The following SLC38A6 variants were observed in gnomAD, a reference collection of about 807,000 sequenced individuals.
SLC38A6 encodes N system amino acid transporter NAT-1.
SLC38A6 carries 73 observed loss-of-function variants against 65.0 expected under a neutral mutation model. That is an observed-to-expected ratio of 1.12 (90% CI 0.93 to 1.37). SLC38A6 has a LOEUF of 1.37. SLC38A6 is among the 40% of genes most tolerant of loss of function. The pLI is 0.00. For synonymous variants in SLC38A6, 183 were observed against 178.8 expected, an observed-to-expected ratio of 1.02 and a Z score of -0.19; for missense variants, 561 against 531.1, an observed-to-expected ratio of 1.06 and a Z score of -0.55.
chr14:61,002,506 C>T (rs2038780950), intron 3 of SLC38A6, among the ~76,000 whole-genome samples: 1 of 152,160 alleles, frequency 6.6e-6, no homozygotes, highest in Non-Finnish European at 1.5e-5. Context: ...GAAACCTGGG[C>T]TCTTTACTAT....
chr14:61,004,659 G>A (rs1347958328), intron 3 of SLC38A6: 2 of 152,292 alleles, frequency 1.3e-5, no homozygotes, highest in South Asian at 2.1e-4. Flanking sequence ...TCTCTGAATA[G>A]ACCAATAACA....
Position 60,988,430 on chromosome 14 carries a change from T to C in SLC38A6, c.310+3627T>C, listed in dbSNP as rs560820316. The stretch of plus-strand genomic sequence containing the variant: ...GTTCTCTTCAGTATTACCCCTGTTA[T>C]AATTCTGGATGATTTCAATATGCAT... On this transcript the variant is annotated intron_variant, in intron 3 of 15. Coordinates refer to ENST00000267488, the MANE Select transcript of SLC38A6 (RefSeq NM_153811.3). Among the ~76,000 whole-genome samples the C allele has an allele frequency of 3.1e-4, 47 of 152,358 alleles. No individual in the cohort carries two copies. The South Asian group carries it at 5.4e-3, about 17-fold the overall frequency.
At chr14:61,020,631 A>G (rs909846104) in intron 5 of SLC38A6, among the ~76,000 whole-genome samples, 4 of 152,154 alleles carry the variant, frequency 2.6e-5, no homozygotes, top group Non-Finnish European at 5.9e-5. Context: ...GCTTTCTTGC[A>G]TGCCATACCA....
chr14:61,063,297 G>C (rs1219960012), intron 15 of SLC38A6, among the ~76,000 whole-genome samples: 4 of 152,080 alleles, frequency 2.6e-5, no homozygotes, highest in African/African-American at 9.7e-5. Flanking sequence ...TTCCTCTTCT[G>C]TTCATTATGA....
chr14:60,986,468 A>G (rs190947089), intron 3 of SLC38A6, among the ~76,000 whole-genome samples: 7 of 152,340 alleles, frequency 4.6e-5, no homozygotes, highest in East Asian at 1.9e-4. Context: ...TTCATAGTTT[A>G]TAGCCACAAC....
At chr14:61,015,295 C>G (rs1439621800) in intron 3 of SLC38A6, among the ~76,000 whole-genome samples, 1 of 152,152 alleles carries the variant, frequency 6.6e-6, no homozygotes, top group Non-Finnish European at 1.5e-5. Context: ...CTTTCTTTGA[C>G]TAGGAAAGGG....
At chr14:60,985,820 G>A (rs1341262411) in intron 3 of SLC38A6, among the ~76,000 whole-genome samples, 2 of 152,068 alleles carry the variant, frequency 1.3e-5, no homozygotes, top group African/African-American at 4.8e-5. Context: ...TCTAGTAAGG[G>A]GCTCAGGCTG....
intron 3 of SLC38A6, among the ~76,000 whole-genome samples, chr14:61,006,555 C>T (rs1252368064): frequency 1.3e-5 from 2 of 152,094 alleles, no homozygotes; most frequent in Non-Finnish European, 2.9e-5. Context: ...ATTTATGCAG[C>T]CAAAAAACAC....
At chr14:61,005,016 T>A (rs1043680394) in intron 3 of SLC38A6, among the ~76,000 whole-genome samples, 1 of 152,168 alleles carries the variant, frequency 6.6e-6, no homozygotes, top group African/African-American at 2.4e-5. Context: ...ATCCCTAGGA[T>A]GCAAGGCTGG....
At chr14:61,013,573 G>A (rs1439979005) in intron 3 of SLC38A6, among the ~76,000 whole-genome samples, 8 of 152,100 alleles carry the variant, frequency 5.3e-5, no homozygotes, top group South Asian at 2.1e-4. Context: ...CTTGTAGGGC[G>A]GGTCTGGTGA....
chr14:61,030,738 A>G (rs2040930803), intron 6 of SLC38A6: 2 of 404,432 alleles, frequency 4.9e-6, no homozygotes, highest in East Asian at 8.9e-5. Context: ...TGTGAACCAT[A>G]TGAAGCACCA....
intron 15 of SLC38A6, among the ~76,000 whole-genome samples, chr14:61,061,702 A>G (rs1351943541): frequency 6.6e-6 from 1 of 152,178 alleles, no homozygotes; most frequent in African/African-American, 2.4e-5. Flanking sequence ...GTAGCACTGA[A>G]TAGTATTCCA....
intron 15 of SLC38A6, among the ~76,000 whole-genome samples, chr14:61,076,405 A>G (rs1200974110): frequency 6.6e-6 from 1 of 152,232 alleles, no homozygotes; most frequent in Non-Finnish European, 1.5e-5. Flanking sequence ...TATGCCAAGC[A>G]CATTCTCATG....
intron 16 of SLC38A6, among the ~76,000 whole-genome samples, chr14:61,080,524 T>C (rs2043601176): frequency 6.6e-6 from 1 of 152,216 alleles, no homozygotes; most frequent in Admixed American, 6.5e-5. Context: ...GCAGCTTCAG[T>C]CTGAACTTGA....
At chr14:61,067,724 T>C (rs1270906493) in intron 15 of SLC38A6, among the ~76,000 whole-genome samples, 2 of 152,090 alleles carry the variant, frequency 1.3e-5, no homozygotes, top group Non-Finnish European at 2.9e-5. Flanking sequence ...CATATATATA[T>C]ATACACATAT....
chr14:61,004,979 C>T (rs1441904921), intron 3 of SLC38A6, among the ~76,000 whole-genome samples: 1 of 151,990 alleles, frequency 6.6e-6, no homozygotes, highest in Admixed American at 6.6e-5. Flanking sequence ...CATCAAAAAG[C>T]TTATCCACCA....
chr14:61,017,182 C>T (rs755747600), intron 4 of SLC38A6, among the ~76,000 whole-genome samples: 6 of 152,168 alleles, frequency 3.9e-5, no homozygotes, highest in Non-Finnish European at 8.8e-5. Context: ...GCTAGGATTA[C>T]AGGCATGTGT....
chr14:61,016,272 C>T (rs1042809823), intron 4 of SLC38A6, among the ~76,000 whole-genome samples: 1 of 152,098 alleles, frequency 6.6e-6, no homozygotes, highest in African/African-American at 2.4e-5. Context: ...TGATTATGTA[C>T]TCATATGAGT....
intron 7 of SLC38A6, 98 bp from the exon 8 acceptor site, chr14:61,037,527 C>T: frequency 2.5e-6 from 2 of 791,872 alleles, no homozygotes; most frequent in South Asian, 1.8e-5. Context: ...CAGATACCAA[C>T]CACTATAATA....
Sources: gnomAD v4.1 joint callset for allele counts (sites outside exome capture counted in the v4.1 genomes callset) on GRCh38, gnomAD v4.1.1 for gene constraint, MANE v1.5 for transcripts, NCBI Gene and HGNC (gene_info 2026-07-23, HGNC 2026-07-21) for gene names.